The following NUP98 variants were observed in gnomAD, a reference collection of about 807,000 sequenced individuals.
NUP98 encodes the protein nuclear pore complex protein Nup98-Nup96.
A neutral mutation model predicts 191.9 loss-of-function variants in NUP98; 26 were observed. The observed-to-expected ratio is 0.14, with a 90% CI of 0.10 to 0.19. The LOEUF is 0.19. Ranked by LOEUF, NUP98 falls within the 10% of genes least tolerant of loss-of-function variation. The pLI is 1.00. For missense variants in NUP98, 1,941 were observed against 2,178.8 expected, an observed-to-expected ratio of 0.89 and a Z score of 2.17; for synonymous variants, 808 against 778.4, an observed-to-expected ratio of 1.04 and a Z score of -0.63.
At chr11:3,721,810 TG>T (rs2079413614) in intron 16 of NUP98, among the ~76,000 whole-genome samples, 1 of 151,952 alleles carries the variant, frequency 6.6e-6, no homozygotes, top group African/African-American at 2.4e-5. Context: ...AGGAAAGTAG[TG>T]GAACGCTGGT....
chr11:3,744,090 A>G (rs2080396992), intron 12 of NUP98, among the ~76,000 whole-genome samples: 1 of 152,182 alleles, frequency 6.6e-6, no homozygotes, highest in African/African-American at 2.4e-5. Context: ...ACACTTCAAT[A>G]GATAAAACTA....
At chr11:3,701,455 T>C (rs2078675760) in intron 23 of NUP98, among the ~76,000 whole-genome samples, 2 of 151,674 alleles carry the variant, frequency 1.3e-5, no homozygotes, top group Non-Finnish European at 2.9e-5. Context: ...AGAGACAGGG[T>C]TTTACCATGT....
intron 1 of NUP98, among the ~76,000 whole-genome samples, chr11:3,795,867 C>G (rs1047145776): frequency 6.6e-6 from 1 of 152,216 alleles, no homozygotes; most frequent in Non-Finnish European, 1.5e-5. Context: ...TTCTGCACTA[C>G]TAGTTCTGAG....
Position 3,700,625 on chromosome 11 carries a change from A to G in NUP98, c.3727T>C (p.Leu1243=). 6.2e-7 allele frequency: 1 copy of G among 1,612,452 alleles called. No homozygotes were observed. ...GTGTACTCACTTTGTGCTTCTGGTAAGTCTCCTGATGCTTCTTTAACCCAA... is the reference window on the plus strand; with the variant it reads ...GTGTACTCACTTTGTGCTTCTGGTAGGTCTCCTGATGCTTCTTTAACCCAA... ...ADWVKEASGD[L]PEAQIVKHWS... Residue 1243 remains leucine, a synonymous_variant, in exon 24 of 33, where the codon TTA becomes CTA. Transcript: ENST00000324932.
chr11:3,743,120 G>A (rs1185158809), intron 12 of NUP98, among the ~76,000 whole-genome samples: 1 of 151,832 alleles, frequency 6.6e-6, no homozygotes, highest in African/African-American at 2.4e-5. Context: ...CCGGGTCCAA[G>A]CGATTCTCCT....
chr11:3,690,124 G>C (rs35934974), intron 28 of NUP98, among the ~76,000 whole-genome samples: 1 of 150,570 alleles, frequency 6.6e-6, no homozygotes, highest in East Asian at 2.0e-4. Context: ...GCTAATTTTC[G>C]TATTTTTAGT....
At chr11:3,706,349 T>C (rs925146300) in intron 21 of NUP98, 96 bp downstream of exon 21, 6 of 1,147,396 alleles carry the variant, frequency 5.2e-6, no homozygotes, top group African/African-American at 4.6e-5. Context: ...GAGCACTCAA[T>C]GATCTTAATA....
chr11:3,739,373 C>T (rs761082181), intron 12 of NUP98, among the ~76,000 whole-genome samples: 8 of 152,218 alleles, frequency 5.3e-5, no homozygotes, highest in African/African-American at 1.4e-4. Context: ...CTCGGCCTTG[C>T]GAGTAGGTGG....
chr11:3,726,575 A>C (rs1353489168), intron 14 of NUP98, among the ~76,000 whole-genome samples: 1 of 151,804 alleles, frequency 6.6e-6, no homozygotes, highest in Non-Finnish European at 1.5e-5. Flanking sequence ...TATGCCAATA[A>C]ATTTGAAATT....
chr11:3,752,202 G>C (rs1278432540), intron 11 of NUP98, among the ~76,000 whole-genome samples: 1 of 150,606 alleles, frequency 6.6e-6, no homozygotes, highest in Non-Finnish European at 1.5e-5. Context: ...GCAGATCATA[G>C]TACAAAATGA....
intron 6 of NUP98, among the ~76,000 whole-genome samples, 196 bp downstream of exon 6, chr11:3,773,436 G>C (rs1425592900): frequency 6.6e-6 from 1 of 151,094 alleles, no homozygotes; most frequent in Admixed American, 6.6e-5. Flanking sequence ...ACATACCCCT[G>C]AATATTATCC....
In NUP98 at chr11:3,700,831, T is replaced by C; in HGVS notation, c.3521A>G (p.Glu1174Gly). 6.2e-7 allele frequency: 1 copy of C among 1,612,150 alleles called. No individual in the cohort carries two copies. The highest frequency in any genetic ancestry group is 2.2e-5 in the East Asian group (1 of 44,864). The change falls in exon 24 of 33, where the codon GAG becomes GGG. Residue 1174 changes from glutamate to glycine, a missense_variant. Around this residue, in one of 6 missense-constraint regions of NUP98, gnomAD observed 1,030 missense variants for 1,115.8 expected, o/e 0.92. Coordinates refer to ENST00000324932, the MANE Select transcript of NUP98 (RefSeq NM_016320.5). ...TTCTAAGTGAACTTTGAATGGGGAC[T>C]CAGTTAGGCTACAAGAGCAAATGAG... ...PNPVAVKPLT[E>G]SPFKVHLEKL...
At chr11:3,711,994 A>G (rs567383961) in intron 20 of NUP98, 1 of 1,047,762 alleles carries the variant, frequency 9.5e-7, no homozygotes, top group African/African-American at 1.7e-5. Context: ...TAATTGCGAT[A>G]AACAATGTAG....
intron 23 of NUP98, among the ~76,000 whole-genome samples, chr11:3,702,117 A>C (rs780277297): frequency 2.6e-5 from 4 of 151,918 alleles, no homozygotes. Flanking sequence ...GTGTGCATGT[A>C]ATCCCAGCTT....
intron 5 of NUP98, among the ~76,000 whole-genome samples, chr11:3,774,166 G>A (rs949762440): frequency 9.9e-5 from 15 of 152,110 alleles, no homozygotes; most frequent in Non-Finnish European, 2.9e-5. Context: ...CTGGGAGGCC[G>A]AGGCGGGTGG....
intron 1 of NUP98, among the ~76,000 whole-genome samples, chr11:3,787,996 A>T (rs1369234187): frequency 2.0e-5 from 3 of 152,134 alleles, no homozygotes; most frequent in Admixed American, 2.0e-4. Flanking sequence ...ATCTCAAAAA[A>T]AATAAAACAC....
intron 12 of NUP98, among the ~76,000 whole-genome samples, chr11:3,742,680 T>C (rs1056748162): frequency 3.1e-4 from 36 of 117,244 alleles, no homozygotes; most frequent in African/African-American, 7.9e-4. Flanking sequence ...GCCTAGGAGA[T>C]AGAGCAAGAC....
At chr11:3,782,683 C>T (rs2082011283) in intron 1 of NUP98, among the ~76,000 whole-genome samples, 1 of 146,618 alleles carries the variant, frequency 6.8e-6, no homozygotes. Flanking sequence ...CCTGGGATTA[C>T]AAGCGTGTGT....
chr11:3,722,330 G>A (rs1356830783), intron 16 of NUP98, among the ~76,000 whole-genome samples: 2 of 151,618 alleles, frequency 1.3e-5, no homozygotes, highest in Admixed American at 6.6e-5. Context: ...TGCCCAGACT[G>A]ATTTCAAACT....
Sources: allele counts gnomAD v4.1 joint callset (sites outside exome capture counted in the v4.1 genomes callset), GRCh38; gene constraint gnomAD v4.1.1; regional missense constraint gnomAD v4.1.1; transcripts MANE v1.5; gene names NCBI Gene and HGNC (gene_info 2026-07-23, HGNC 2026-07-21).